The following EPC2 variants were observed in gnomAD, a reference collection of about 807,000 sequenced individuals.
EPC2 encodes enhancer of polycomb 2, also known as enhancer of polycomb homolog 2.
Under a neutral mutation model 92.1 loss-of-function variants are expected in EPC2, and 14 were observed. That is an observed-to-expected ratio of 0.15 (90% CI 0.10 to 0.24). The LOEUF is 0.24. Among genes scored for constraint, EPC2 ranks in the 10% least tolerant of loss-of-function variants. The probability of loss-of-function intolerance (pLI) is 1.00; values close to 1 mark genes in which losing one functional copy is unlikely to be tolerated. For missense variants in EPC2, 755 were observed against 971.5 expected, an observed-to-expected ratio of 0.78 and a Z score of 2.96; for synonymous variants, 340 against 334.7, an observed-to-expected ratio of 1.02 and a Z score of -0.17.
At chr2:148,645,334 G>A in intron 1 of EPC2, 164 bp downstream of exon 1, 1 of 589,248 alleles carries the variant, frequency 1.7e-6, no homozygotes, top group East Asian at 3.4e-5. Flanking sequence ...CTCTCGGCCG[G>A]CGTAGCGCCC....
intron 2 of EPC2, among the ~76,000 whole-genome samples, chr2:148,710,998 G>A (rs896154493): frequency 2.0e-5 from 3 of 152,068 alleles, no homozygotes; most frequent in African/African-American, 7.2e-5. Context: ...TTTTGTTTTA[G>A]CCTGGGTAGA....
rs1306107367 is a variant in EPC2 at position 148,743,728 on chromosome 2, A to G, written c.420A>G (p.Glu140=). The change falls in exon 3 of 14, where the codon GAA becomes GAG. Residue 140 remains glutamate (E), a synonymous_variant. Transcript: ENST00000258484. ...TGGAAATTAAGCCTTTGCAATTTGA[A>G]ATTATGATTGACAGACTTGAAAAAG... is the stretch of plus-strand genomic sequence containing the variant. ...RKMEIKPLQF[E]IMIDRLEKAS... 2 of 1,604,316 alleles carry G rather than the reference A, an allele frequency of 1.2e-6. No homozygotes were observed. Among genetic ancestry groups the G allele is most frequent in the Admixed American group, 1.7e-5 (1 of 58,160 alleles).
intron 1 of EPC2, among the ~76,000 whole-genome samples, chr2:148,684,743 C>G (rs907339325): frequency 6.6e-6 from 1 of 152,154 alleles, no homozygotes; most frequent in African/African-American, 2.4e-5. Context: ...GTGAGGTTTT[C>G]TTTGGGTTAT....
rs147118007 is a variant in EPC2 at position 148,725,293 on chromosome 2, G to A, written c.314-18329G>A. 7.2e-3 allele frequency among the ~76,000 whole-genome samples: 1,087 copies of A among 151,982 alleles called. 6 individuals are homozygous for A. The highest frequency in any genetic ancestry group is 0.025 in the African/African-American group (1,021 of 41,474). On this transcript the variant is annotated intron_variant, in intron 2 of 13. Coordinates refer to ENST00000258484, the MANE Select transcript of EPC2 (RefSeq NM_015630.4). ...AATAATATAATGAATTCTATCTACT[G>A]TTCTCCATGATTCATTAAATGTTAA...
intron 1 of EPC2, among the ~76,000 whole-genome samples, chr2:148,647,959 TAGAA>T (rs1056295883): frequency 6.6e-6 from 1 of 152,248 alleles, no homozygotes; most frequent in Non-Finnish European, 1.5e-5. Flanking sequence ...TTAGCTCTTT[TAGAA>T]AGAATTATTT....
At chr2:148,721,164 T>C (rs1158255329) in intron 2 of EPC2, among the ~76,000 whole-genome samples, 1 of 151,922 alleles carries the variant, frequency 6.6e-6, no homozygotes, top group East Asian at 1.9e-4. Flanking sequence ...CTAACCTATA[T>C]CATTTTCCTC....
In EPC2 at chr2:148,715,653, G is replaced by A. The variant is rs566377741; in HGVS notation, c.313+25280G>A. On this transcript the variant is annotated intron_variant, in intron 2 of 13. Coordinates refer to ENST00000258484, the MANE Select transcript of EPC2 (RefSeq NM_015630.4). ...CTTGTAGCATAGTTGAAGTCAGGTA[G>A]TATGATGCCTTCATGTTTGTTCTTT... 4.6e-5 allele frequency among the ~76,000 whole-genome samples: 7 copies of A among 152,292 alleles called. No homozygotes were observed. In the South Asian group the frequency reaches 1.5e-3, roughly 32 times the overall value.
chr2:148,662,367 T>C (rs1680954970), intron 1 of EPC2, among the ~76,000 whole-genome samples: 1 of 152,196 alleles, frequency 6.6e-6, no homozygotes, highest in Non-Finnish European at 1.5e-5. Context: ...CACATGGAGA[T>C]GTATGTTTAT....
At chr2:148,674,002 A>G (rs1681206661) in intron 1 of EPC2, among the ~76,000 whole-genome samples, 1 of 151,832 alleles carries the variant, frequency 6.6e-6, no homozygotes, top group Non-Finnish European at 1.5e-5. Flanking sequence ...TGTTTTCTTG[A>G]TTTAGTTTCT....
intron 2 of EPC2, among the ~76,000 whole-genome samples, chr2:148,693,979 A>C (rs1030575666): frequency 7.2e-5 from 11 of 152,104 alleles, no homozygotes; most frequent in Admixed American, 2.0e-4. Flanking sequence ...GAGAGAAGGG[A>C]CTTTTTTTTC....
intron 1 of EPC2, among the ~76,000 whole-genome samples, chr2:148,666,092 G>A (rs950621303): frequency 1.3e-5 from 2 of 152,110 alleles, no homozygotes; most frequent in African/African-American, 2.4e-5. Context: ...TTTAGGCCAC[G>A]TTTTTCAAAT....
intron 4 of EPC2, among the ~76,000 whole-genome samples, chr2:148,760,947 T>A (rs967910239): frequency 6.6e-6 from 1 of 152,174 alleles, no homozygotes; most frequent in Non-Finnish European, 1.5e-5. Context: ...ATGCATAGAT[T>A]GGAGAGGTGG....
chr2:148,771,328 A>G lies in EPC2; in HGVS notation c.1661A>G (p.Asn554Ser), dbSNP rs183800694. 6.2e-6 allele frequency: 10 copies of G among 1,612,340 alleles called. No homozygotes were observed. In the Admixed American group the frequency reaches 6.7e-5, roughly 11 times the overall value. ...AGAAAACCAGGGCAGACTGTGAACA[A>G]TAAAAGAGTTTCTGCAGCATCTGTA... ...TSRKPGQTVN[N>S]KRVSAASVAL... Residue 554 changes from asparagine to serine, a missense_variant, in exon 10 of 14, where the codon AAT (asparagine) becomes AGT (serine). Physicochemically the swap from Asn to Ser is conservative, Grantham distance 46. Around this residue, in one of 4 missense-constraint regions of EPC2, gnomAD observed 509 missense variants for 607.7 expected, o/e 0.84. Coordinates refer to ENST00000258484, the MANE Select transcript of EPC2 (RefSeq NM_015630.4).
intron 1 of EPC2, among the ~76,000 whole-genome samples, chr2:148,650,529 T>C (rs1294343479): frequency 6.6e-6 from 1 of 152,114 alleles, no homozygotes; most frequent in Non-Finnish European, 1.5e-5. Context: ...CATACCAGAA[T>C]GTACCAGTCT....
At chr2:148,764,430 C>T (rs998631505) in intron 6 of EPC2, among the ~76,000 whole-genome samples, 6 of 152,136 alleles carry the variant, frequency 3.9e-5, no homozygotes, top group African/African-American at 1.2e-4. Context: ...GACTTCAGAA[C>T]GTTACTGTTC....
At chr2:148,658,097 TCTG>T (rs1438149583) in intron 1 of EPC2, among the ~76,000 whole-genome samples, 2 of 152,196 alleles carry the variant, frequency 1.3e-5, no homozygotes, top group East Asian at 3.8e-4. Flanking sequence ...AACAGTTTCA[TCTG>T]CTGATCAGTT....
At chr2:148,687,054 C>A (rs1681542339) in intron 1 of EPC2, among the ~76,000 whole-genome samples, 2 of 152,190 alleles carry the variant, frequency 1.3e-5, no homozygotes, top group African/African-American at 2.4e-5. Flanking sequence ...CATTGAAAAT[C>A]TATTATTCAG....
chr2:148,676,777 G>GCT (rs10559609), intron 1 of EPC2, among the ~76,000 whole-genome samples: 92 of 144,848 alleles, frequency 6.4e-4, no homozygotes, highest in African/African-American at 1.8e-3. Context: ...ACATTTAGGT[G>GCT]CTCTCTCTCT....
chr2:148,682,785 G>A (rs540695683), intron 1 of EPC2, among the ~76,000 whole-genome samples: 2 of 152,022 alleles, frequency 1.3e-5, no homozygotes, highest in Non-Finnish European at 2.9e-5. Context: ...ATCGTGTTTT[G>A]TCTCTGACAC....
Sources: gnomAD v4.1 joint callset for allele counts (sites outside exome capture counted in the v4.1 genomes callset) on GRCh38, gnomAD v4.1.1 for gene constraint, gnomAD v4.1.1 regional missense constraint, MANE v1.5 for transcripts, NCBI Gene and HGNC (gene_info 2026-07-23, HGNC 2026-07-21) for gene names.